Variants in MYO16 observed in about 807,000 individuals in gnomAD.
MYO16 encodes the protein unconventional myosin-XVI.
A neutral mutation model predicts 205.3 loss-of-function variants in MYO16; 94 were observed. The ratio of observed to expected loss-of-function variants is 0.46; its 90% confidence interval spans 0.39 to 0.54. The LOEUF (loss-of-function observed/expected upper bound fraction) is 0.54, where lower values mean the gene tolerates loss of function less well. Among genes scored for constraint, MYO16 ranks in the 20% least tolerant of loss-of-function variants. The pLI is 0.00. For missense variants in MYO16, 2,315 were observed against 2,387.5 expected, an observed-to-expected ratio of 0.97 and a Z score of 0.63; for synonymous variants, 988 against 954.0, an observed-to-expected ratio of 1.04 and a Z score of -0.66.
chr13:108,719,713 C>T (rs148882467), intron 3 of MYO16, among the ~76,000 whole-genome samples: 37 of 152,316 alleles, frequency 2.4e-4, no homozygotes, highest in African/African-American at 7.5e-4. Flanking sequence ...CCTGTGTTCC[C>T]GTATTCAATT....
chr13:109,108,218 T>A (rs1340392320), intron 28 of MYO16, among the ~76,000 whole-genome samples: 1 of 152,348 alleles, frequency 6.6e-6, no homozygotes, highest in East Asian at 1.9e-4. Context: ...ATGACATCTC[T>A]TACAGGGTCT....
At chr13:108,975,546 A>G (rs1351894014) in intron 20 of MYO16, among the ~76,000 whole-genome samples, 1 of 152,188 alleles carries the variant, frequency 6.6e-6, no homozygotes, top group Non-Finnish European at 1.5e-5. Flanking sequence ...CGCAGCCATC[A>G]GGAGCATCTC....
At chr13:108,975,986 C>T (rs1884242638) in intron 20 of MYO16, among the ~76,000 whole-genome samples, 1 of 152,126 alleles carries the variant, frequency 6.6e-6, no homozygotes, top group African/African-American at 2.4e-5. Flanking sequence ...TGTCAACCCA[C>T]ATGCAATTCA....
At chr13:108,944,500 A>C (rs529043731) in intron 16 of MYO16, among the ~76,000 whole-genome samples, 3 of 152,316 alleles carry the variant, frequency 2.0e-5, no homozygotes, top group South Asian at 4.2e-4. Context: ...ATCAGAAGTA[A>C]ATGTCTACTG....
intron 1 of MYO16, among the ~76,000 whole-genome samples, chr13:108,616,346 A>G (rs1159192265): frequency 6.6e-6 from 1 of 152,188 alleles, no homozygotes; most frequent in Non-Finnish European, 1.5e-5. Flanking sequence ...AGCGAAATGC[A>G]ATGTTCTGAG....
chr13:108,712,649 T>C lies in MYO16; in HGVS notation c.293-12T>C. The C allele has an allele frequency of 6.2e-7, 1 of 1,613,054 alleles. No individual in the cohort carries two copies. Among genetic ancestry groups the C allele is most frequent in the Non-Finnish European group, 8.5e-7 (1 of 1,178,968 alleles). On this transcript the variant is annotated splice_polypyrimidine_tract_variant and intron_variant, in intron 2 of 34. Transcript: ENST00000457511. ...CTCTCTGTAACTCCATTCTCCTCTCTGTTGTTTTCAGTGCTTCGGCTCCTG... is the reference window on the plus strand; with the variant it reads ...CTCTCTGTAACTCCATTCTCCTCTCCGTTGTTTTCAGTGCTTCGGCTCCTG...
At chr13:109,107,531 C>T (rs1889154474) in intron 28 of MYO16, among the ~76,000 whole-genome samples, 1 of 151,944 alleles carries the variant, frequency 6.6e-6, no homozygotes, top group Non-Finnish European at 1.5e-5. Context: ...TTAACTACCT[C>T]TCACTTTTTT....
intron 2 of MYO16, among the ~76,000 whole-genome samples, chr13:108,681,221 G>T (rs1044506014): frequency 3.3e-5 from 5 of 152,160 alleles, no homozygotes; most frequent in African/African-American, 1.2e-4. Context: ...AGAAACTTCA[G>T]TCTGAAATCT....
chr13:108,911,412 A>G (rs1273686604), intron 16 of MYO16, among the ~76,000 whole-genome samples: 1 of 152,150 alleles, frequency 6.6e-6, no homozygotes, highest in Non-Finnish European at 1.5e-5. Flanking sequence ...CCTACCAGGT[A>G]GTACCTGTGG....
At chr13:108,973,518 C>T (rs1884131645) in intron 20 of MYO16, among the ~76,000 whole-genome samples, 2 of 152,116 alleles carry the variant, frequency 1.3e-5, no homozygotes, top group African/African-American at 2.4e-5. Context: ...TGTGAGATTT[C>T]CTAGAGATCC....
chr13:108,812,706 C>T (rs1025934912), intron 7 of MYO16, among the ~76,000 whole-genome samples: 2 of 152,148 alleles, frequency 1.3e-5, no homozygotes, highest in African/African-American at 4.8e-5. Context: ...AATTAATCCC[C>T]AGTGCAGCAA....
rs1431824125 is a variant in MYO16 at position 109,022,217 on chromosome 13, T to C, written c.2796+2306T>C. ...TTATAATGTATTTATAATTTTTATA[T>C]TTATATATTATATATATGTATATAT... On this transcript the variant is annotated intron_variant, in intron 23 of 34. Coordinates refer to ENST00000457511, the MANE Select transcript of MYO16 (RefSeq NM_001198950.3). Among the ~76,000 whole-genome samples, 9 of 136,596 alleles carry C rather than the reference T, an allele frequency of 6.6e-5. No homozygotes were observed. The South Asian group carries it at 2.0e-3, about 30-fold the overall frequency. 89.6% of individuals were successfully genotyped at this position (136,596 alleles called of 152,430 possible). A position where few individuals can be genotyped will look rare whatever the true frequency, so the allele number is the denominator to read the frequency against.
rs1039221211 is a variant in MYO16 at position 109,125,713 on chromosome 13, G to A, written c.3782+355G>A. Among the ~76,000 whole-genome samples the A allele has an allele frequency of 1.3e-5, 2 of 152,124 alleles. No homozygotes were observed. Among genetic ancestry groups the A allele is most frequent in the African/African-American group, 4.8e-5 (2 of 41,402 alleles). On this transcript the variant is annotated intron_variant, in intron 30 of 34. Transcript: ENST00000457511. This position sits in a 1 kb window ranked among gnomAD's most constrained non-coding sequence, Gnocchi z 4.0. Reference sequence around the variant, plus strand: ...GTTGACATTTTTACACAAGCGTTACGGATATAAGGCTGGCTTATAGAAACT... The same window carrying A: ...GTTGACATTTTTACACAAGCGTTACAGATATAAGGCTGGCTTATAGAAACT...
chr13:108,737,152 T>A (rs985068900), intron 4 of MYO16, among the ~76,000 whole-genome samples: 2 of 152,218 alleles, frequency 1.3e-5, no homozygotes, highest in Admixed American at 6.5e-5. Context: ...CTGATTGCCC[T>A]GGACAGAACT....
intron 1 of MYO16, among the ~76,000 whole-genome samples, chr13:108,614,275 T>C (rs764603553): frequency 6.6e-6 from 1 of 151,986 alleles, no homozygotes; most frequent in Non-Finnish European, 1.5e-5. Flanking sequence ...ACAGAACAAG[T>C]GCATGATTTG....
chr13:108,724,622 T>C (rs929023088), intron 3 of MYO16, among the ~76,000 whole-genome samples: 1 of 152,198 alleles, frequency 6.6e-6, no homozygotes, highest in African/African-American at 2.4e-5. Flanking sequence ...GATTCAATTT[T>C]AACTCTTTAG....
At chr13:109,117,261 G>T (rs1875738774) in intron 28 of MYO16, among the ~76,000 whole-genome samples, 1 of 151,498 alleles carries the variant, frequency 6.6e-6, no homozygotes, top group Admixed American at 6.6e-5. Context: ...TTTATCTTCT[G>T]TTCTTTTTTT....
chr13:109,046,102 CA>C (rs1241367190), intron 23 of MYO16, among the ~76,000 whole-genome samples: 1 of 152,130 alleles, frequency 6.6e-6, no homozygotes, highest in Non-Finnish European at 1.5e-5. Context: ...GGTTGTTGCT[CA>C]CTCTTGCTCA....
intron 16 of MYO16, among the ~76,000 whole-genome samples, chr13:108,942,219 T>G (rs946055667): frequency 6.6e-6 from 1 of 152,224 alleles, no homozygotes; most frequent in African/African-American, 2.4e-5. Context: ...AGCAATCCTA[T>G]TGTTTGACTA....
Sources: gnomAD v4.1 joint callset for allele counts (sites outside exome capture counted in the v4.1 genomes callset) on GRCh38, gnomAD v4.1.1 for gene constraint, Gnocchi (gnomAD v3.1) non-coding constraint, MANE v1.5 for transcripts, NCBI Gene and HGNC (gene_info 2026-07-23, HGNC 2026-07-21) for gene names.